Variants in TBC1D22A observed in about 807,000 individuals in gnomAD.
TBC1D22A encodes the protein putative GTPase activator.
Under a neutral mutation model 60.2 loss-of-function variants are expected in TBC1D22A, and 38 were observed. The observed-to-expected ratio is 0.63, with a 90% confidence interval of 0.49 to 0.83. The LOEUF is 0.83. Ranked by LOEUF, TBC1D22A falls within the 40% of genes least tolerant of loss-of-function variation. TBC1D22A has a pLI of 0.00. For missense variants in TBC1D22A, 628 were observed against 701.0 expected, an observed-to-expected ratio of 0.90 and a Z score of 1.18; for synonymous variants, 302 against 281.7, an observed-to-expected ratio of 1.07 and a Z score of -0.72.
rs1287647819 is a variant in TBC1D22A, at chr22:47,174,434, C to G, written c.*808C>G. 6.6e-6 allele frequency: 1 copy of G among 152,306 alleles called. No individual in the cohort carries two copies. Among genetic ancestry groups the G allele is most frequent in the Non-Finnish European group, 1.5e-5 (1 of 68,090 alleles). The allele number at this position is 152,306 out of a possible 1,614,324, so 9.4% of individuals were successfully genotyped here. A position where few individuals can be genotyped will look rare whatever the true frequency, so the allele number is the denominator to read the frequency against. ...GCCCCTGGAGGCCCACCCAGGCTGT[C>G]GGGCCATGTTGGGCTGGCAGACGGG... On this transcript the variant is annotated 3_prime_UTR_variant, in exon 13 of 13. Coordinates refer to ENST00000337137, the MANE Select transcript of TBC1D22A (RefSeq NM_014346.5).
chr22:47,079,171 C>A (rs112185549), intron 11 of TBC1D22A, among the ~76,000 whole-genome samples: 10,738 of 149,456 alleles, frequency 0.072, 417 homozygotes, highest in Admixed American at 0.14. Context: ...ACTGCAACTT[C>A]CACCTCCCAG....
chr22:46,895,114 T>C (rs984707969), intron 7 of TBC1D22A, among the ~76,000 whole-genome samples: 1 of 152,140 alleles, frequency 6.6e-6, no homozygotes, highest in African/African-American at 2.4e-5. Flanking sequence ...CACCACCAGA[T>C]TGAGGAAACA....
chr22:46,802,973 C>T (rs1032828718), intron 4 of TBC1D22A, among the ~76,000 whole-genome samples: 7 of 151,898 alleles, frequency 4.6e-5, no homozygotes, highest in South Asian at 2.1e-4. Flanking sequence ...GGGGAACAGC[C>T]GATAGACACA....
intron 1 of TBC1D22A, among the ~76,000 whole-genome samples, chr22:46,772,820 T>C (rs2083547077): frequency 6.6e-6 from 1 of 151,952 alleles, no homozygotes; most frequent in Admixed American, 6.6e-5. Context: ...CTAATTTTTG[T>C]ATTTTTACCA....
intron 4 of TBC1D22A, among the ~76,000 whole-genome samples, chr22:46,863,692 T>C (rs1275021051): frequency 6.6e-6 from 1 of 152,224 alleles, no homozygotes; most frequent in Non-Finnish European, 1.5e-5. Flanking sequence ...GATATGATTT[T>C]ACACAAAACA....
rs148788439 is a variant in TBC1D22A at position 47,132,130 on chromosome 22, G to A, written c.1425+20527G>A. 9.1e-3 allele frequency among the ~76,000 whole-genome samples: 1,380 copies of A among 152,202 alleles called. 19 individuals carry two copies. Among genetic ancestry groups the A allele is most frequent in the African/African-American group, 0.03 (1,250 of 41,540 alleles). On this transcript the variant is annotated intron_variant, in intron 12 of 12. Coordinates refer to ENST00000337137, the MANE Select transcript of TBC1D22A (RefSeq NM_014346.5). ...ACAAGCTGTGAGACGCCAGAGCCCCGGACCCCAGCTTTAGGAGCCTACCTT... is the reference window on the plus strand; with the variant it reads ...ACAAGCTGTGAGACGCCAGAGCCCCAGACCCCAGCTTTAGGAGCCTACCTT...
chr22:47,142,816 C>G (rs2067157658), intron 12 of TBC1D22A, among the ~76,000 whole-genome samples: 1 of 115,110 alleles, frequency 8.7e-6, no homozygotes, highest in African/African-American at 3.4e-5. Context: ...ACTCATCCAT[C>G]CATCCTCCTA....
chr22:46,992,088 CT>C (rs1467316274), intron 9 of TBC1D22A, among the ~76,000 whole-genome samples: 1 of 152,226 alleles, frequency 6.6e-6, no homozygotes, highest in Non-Finnish European at 1.5e-5. Context: ...CAGAAGGGTC[CT>C]GTCTGCCTGT....
At chr22:47,018,775 G>A (rs1358857240) in intron 10 of TBC1D22A, among the ~76,000 whole-genome samples, 3 of 152,164 alleles carry the variant, frequency 2.0e-5, no homozygotes, top group African/African-American at 7.2e-5. Flanking sequence ...GCGGGGCCAA[G>A]GCTGCTGAAA....
intron 11 of TBC1D22A, among the ~76,000 whole-genome samples, chr22:47,056,299 A>G (rs2063391328): frequency 1.3e-5 from 2 of 151,718 alleles, no homozygotes; most frequent in South Asian, 2.1e-4. Flanking sequence ...TGTTTAAAGG[A>G]ATCTCCTCCG....
chr22:46,847,367 A>G (rs1009585548), intron 4 of TBC1D22A, among the ~76,000 whole-genome samples: 2 of 152,204 alleles, frequency 1.3e-5, no homozygotes, highest in African/African-American at 2.4e-5. Flanking sequence ...GCTGGTTTAC[A>G]TATCTACCAG....
chr22:47,104,909 C>T (rs752580656), intron 11 of TBC1D22A, among the ~76,000 whole-genome samples: 4 of 151,868 alleles, frequency 2.6e-5, no homozygotes, highest in East Asian at 3.9e-4. Flanking sequence ...ACCCCCCGAC[C>T]GTTGCTGCTG....
chr22:46,935,780 C>CCTCTGAA (rs1374986200), intron 8 of TBC1D22A, among the ~76,000 whole-genome samples: 1 of 152,150 alleles, frequency 6.6e-6, no homozygotes, highest in Non-Finnish European at 1.5e-5. Context: ...CCTGGGCCCT[C>CCTCTGAA]CTCTGAACTC....
chr22:46,860,817 C>T (rs1003494932), intron 4 of TBC1D22A, among the ~76,000 whole-genome samples: 2 of 152,206 alleles, frequency 1.3e-5, no homozygotes, highest in South Asian at 2.1e-4. Flanking sequence ...TCCTCTCGGG[C>T]TCGAGTGTAA....
chr22:46,797,322 A>G (rs1475830316), intron 3 of TBC1D22A, 122 bp from the exon 4 acceptor site: 36 of 1,069,544 alleles, frequency 3.4e-5, no homozygotes, highest in Non-Finnish European at 4.9e-5. Flanking sequence ...CAAGGTCCCC[A>G]CTGCTGAGTG....
At chr22:47,143,274 C>T (rs76578913) in intron 12 of TBC1D22A, among the ~76,000 whole-genome samples, 2,572 of 152,280 alleles carry the variant, frequency 0.017, 45 homozygotes, top group African/African-American at 0.043. Context: ...TACAAATCGA[C>T]GGAGACCTGA....
intron 8 of TBC1D22A, among the ~76,000 whole-genome samples, chr22:46,957,707 G>A (rs1306827531): frequency 6.6e-6 from 1 of 152,264 alleles, no homozygotes; most frequent in Non-Finnish European, 1.5e-5. Context: ...GCTAAGCTGA[G>A]TGGGGCCTTC....
At chr22:46,763,060 A>T (rs567389465) in intron 1 of TBC1D22A, among the ~76,000 whole-genome samples, 2 of 152,068 alleles carry the variant, frequency 1.3e-5, no homozygotes, top group African/African-American at 2.4e-5. Context: ...CGAGGCTTGC[A>T]AGGACGAGGA....
chr22:47,140,048 A>G (rs1039150028), intron 12 of TBC1D22A, among the ~76,000 whole-genome samples: 4 of 152,228 alleles, frequency 2.6e-5, no homozygotes, highest in African/African-American at 9.6e-5. Context: ...GGAGATGTGT[A>G]GCTAGGAGCA....
Sources: gnomAD v4.1 joint callset for allele counts (sites outside exome capture counted in the v4.1 genomes callset) on GRCh38, gnomAD v4.1.1 for gene constraint, MANE v1.5 for transcripts, NCBI Gene and HGNC (gene_info 2026-07-23, HGNC 2026-07-21) for gene names.